ADGRL3: variants seen among roughly 807,000 people sequenced by gnomAD.
ADGRL3 encodes calcium-independent alpha-latrotoxin receptor 3.
Under a neutral mutation model 153.5 loss-of-function variants are expected in ADGRL3, and 62 were observed. The observed-to-expected ratio is 0.40, with a 90% CI of 0.33 to 0.50. The LOEUF is 0.50. Among genes scored for constraint, ADGRL3 ranks in the 20% least tolerant of loss-of-function variants. The pLI is 0.47. For missense variants in ADGRL3, 1,641 were observed against 1,859.4 expected (o/e 0.88, Z 2.16); for synonymous variants, 710 against 672.5 (o/e 1.06, Z -0.86).
intron 9 of ADGRL3, among the ~76,000 whole-genome samples, chr4:61,843,625 A>C (rs886901240): frequency 6.6e-6 from 1 of 152,194 alleles, no homozygotes; most frequent in Non-Finnish European, 1.5e-5. Flanking sequence ...CGAAAGAGAA[A>C]AAAAATTATC....
chr4:61,205,634 C>T (rs545331929), intron 1 of ADGRL3, among the ~76,000 whole-genome samples: 5 of 152,220 alleles, frequency 3.3e-5, no homozygotes, highest in African/African-American at 1.2e-4. Flanking sequence ...TGCATTTCTT[C>T]ATAGAATAAC....
intron 5 of ADGRL3, among the ~76,000 whole-genome samples, chr4:61,661,915 C>G (rs1017990566): frequency 2.6e-5 from 4 of 152,178 alleles, no homozygotes; most frequent in African/African-American, 9.7e-5. Context: ...GAAGAGGCAA[C>G]AAATGCCTAT....
At chr4:61,465,730 C>A (rs1273114096) in intron 2 of ADGRL3, among the ~76,000 whole-genome samples, 6 of 127,424 alleles carry the variant, frequency 4.7e-5, no homozygotes, top group Non-Finnish European at 6.7e-5. Flanking sequence ...GATACTTGGA[C>A]TGACTCTGGA....
intron 2 of ADGRL3, among the ~76,000 whole-genome samples, chr4:61,477,594 CATTTGGCT>C: frequency 6.6e-6 from 1 of 152,140 alleles, no homozygotes; most frequent in Non-Finnish European, 1.5e-5. Context: ...TTCTCTGAGA[CATTTGGCT>C]AATGTGGCCC....
chr4:61,905,749 G>T (rs772137517), intron 11 of ADGRL3, among the ~76,000 whole-genome samples: 10 of 151,914 alleles, frequency 6.6e-5, no homozygotes, highest in Non-Finnish European at 1.3e-4. Flanking sequence ...GCAAAAATTA[G>T]CTGGGCATGG....
chr4:61,922,339 T>C (rs564657522), intron 13 of ADGRL3, among the ~76,000 whole-genome samples: 3 of 152,342 alleles, frequency 2.0e-5, no homozygotes, highest in Admixed American at 2.0e-4. Flanking sequence ...GAAACAGTTT[T>C]AGATTTGTAG....
chr4:61,699,000 T>C (rs1339689908), intron 6 of ADGRL3, among the ~76,000 whole-genome samples: 3 of 152,230 alleles, frequency 2.0e-5, no homozygotes, highest in African/African-American at 7.2e-5. Flanking sequence ...ACTTTCCCGT[T>C]CAGAATGTAA....
intron 8 of ADGRL3, among the ~76,000 whole-genome samples, chr4:61,749,472 A>G (rs1377331580): frequency 1.3e-5 from 2 of 152,234 alleles, no homozygotes; most frequent in Non-Finnish European, 2.9e-5. Flanking sequence ...ATATCCAACA[A>G]TGATAGACTG....
At chr4:61,242,514 T>G (rs542148030) in intron 1 of ADGRL3, among the ~76,000 whole-genome samples, 6 of 152,054 alleles carry the variant, frequency 3.9e-5, no homozygotes, top group Non-Finnish European at 7.4e-5. Flanking sequence ...TTACACTGTT[T>G]TAAACATTAC....
intron 12 of ADGRL3, among the ~76,000 whole-genome samples, chr4:61,911,486 A>G (rs2098721485): frequency 6.6e-6 from 1 of 152,142 alleles, no homozygotes; most frequent in Non-Finnish European, 1.5e-5. Context: ...GGCAAAGGTT[A>G]TTCACATGCT....
At chr4:61,715,103 T>C (rs2096080068) in intron 6 of ADGRL3, among the ~76,000 whole-genome samples, 1 of 152,198 alleles carries the variant, frequency 6.6e-6, no homozygotes, top group African/African-American at 2.4e-5. Flanking sequence ...ATTTAACATA[T>C]TATCTACCTT....
intron 2 of ADGRL3, among the ~76,000 whole-genome samples, chr4:61,397,889 T>C (rs919100834): frequency 6.6e-6 from 1 of 151,932 alleles, no homozygotes; most frequent in Non-Finnish European, 1.5e-5. Context: ...GTTGAAAATA[T>C]AATGGGTAAA....
chr4:61,283,425 A>G (rs1057434245), intron 1 of ADGRL3, among the ~76,000 whole-genome samples: 1 of 152,000 alleles, frequency 6.6e-6, no homozygotes, highest in Non-Finnish European at 1.5e-5. Context: ...AGGTTCTTCA[A>G]TTCCATCTTT....
chr4:61,994,027 T>C (rs1288638270), intron 19 of ADGRL3, among the ~76,000 whole-genome samples: 1 of 152,208 alleles, frequency 6.6e-6, no homozygotes. Context: ...GAAATTATCT[T>C]GTCTACATAA....
At chr4:61,397,418 G>C (rs1349769908) in intron 2 of ADGRL3, among the ~76,000 whole-genome samples, 1 of 151,950 alleles carries the variant, frequency 6.6e-6, no homozygotes, top group Non-Finnish European at 1.5e-5. Flanking sequence ...AATGAGGCAA[G>C]TGTGGGGATG....
intron 1 of ADGRL3, among the ~76,000 whole-genome samples, chr4:61,280,528 G>A (rs1252706475): frequency 3.3e-5 from 5 of 151,940 alleles, no homozygotes; most frequent in Non-Finnish European, 7.4e-5. Flanking sequence ...TGTTTTTGGA[G>A]AGGTAATAGA....
chr4:61,222,700 G>A (rs1226008641), intron 1 of ADGRL3, among the ~76,000 whole-genome samples: 1 of 152,154 alleles, frequency 6.6e-6, no homozygotes, highest in African/African-American at 2.4e-5. Flanking sequence ...CCATATTCTA[G>A]TCTTCATAGT....
At chr4:61,836,859 A>G (rs1374916667) in intron 9 of ADGRL3, among the ~76,000 whole-genome samples, 1 of 152,124 alleles carries the variant, frequency 6.6e-6, no homozygotes, top group Non-Finnish European at 1.5e-5. Context: ...CTGTAAGTGT[A>G]GTAGTAATAC....
chr4:61,794,904 A>G (rs536611500), intron 8 of ADGRL3, among the ~76,000 whole-genome samples: 26 of 130,702 alleles, frequency 2.0e-4, no homozygotes, highest in African/African-American at 6.6e-4. Context: ...AAAGTTACTT[A>G]TTGTCATTGC....
Sources: allele counts gnomAD v4.1 joint callset (sites outside exome capture counted in the v4.1 genomes callset), GRCh38; gene constraint gnomAD v4.1.1; transcripts MANE v1.5; gene names NCBI Gene and HGNC (gene_info 2026-07-23, HGNC 2026-07-21).